ANKFN1: variants seen among roughly 807,000 people sequenced by gnomAD.
The protein encoded by ANKFN1 is ankyrin repeat and fibronectin type III domain containing 1.
Under a neutral mutation model 108.7 loss-of-function variants are expected in ANKFN1, and 74 were observed. That is an observed-to-expected ratio of 0.68 (90% CI 0.56 to 0.83). ANKFN1 has a LOEUF of 0.83. Ranked by LOEUF, ANKFN1 falls within the 40% of genes least tolerant of loss-of-function variation. The pLI, the probability that ANKFN1 is intolerant of heterozygous loss-of-function variation, is 0.00. For synonymous variants in ANKFN1, 547 were observed against 516.2 expected (o/e 1.06, Z -0.81); for missense variants, 1,505 against 1,382.3 (o/e 1.09, Z -1.41).
At position 56,317,372 on chromosome 17, in the gene ANKFN1, A is replaced by G. The variant is rs369974870; in HGVS notation, c.54-8849A>G. On this transcript the variant is annotated intron_variant, in intron 3 of 20. Coordinates refer to ENST00000682825, the MANE Select transcript of ANKFN1 (RefSeq NM_001370326.1). The stretch of plus-strand genomic sequence containing the variant: ...CAGCTTGCCTTCATCTTTGACTCAT[A>G]GGAAAGGTGTAAATCCCACCCACGT... 3.9e-5 allele frequency among the ~76,000 whole-genome samples: 6 copies of G among 152,318 alleles called. No individual in the cohort carries two copies. The East Asian group carries it at 9.6e-4, about 24-fold the overall frequency.
At chr17:56,252,458 C>T (rs1164076281) in intron 3 of ANKFN1, 1 of 152,154 alleles carries the variant, frequency 6.6e-6, no homozygotes, top group Non-Finnish European at 1.5e-5. Context: ...ATTTTAAATA[C>T]TTACAGTGTA....
At chr17:56,176,457 G>T (rs1354421442) in intron 1 of ANKFN1, among the ~76,000 whole-genome samples, 1 of 152,148 alleles carries the variant, frequency 6.6e-6, no homozygotes, top group Admixed American at 6.5e-5. Flanking sequence ...GGAATGCACG[G>T]GATCGGAGTG....
rs923661190 is a variant in ANKFN1, at chr17:56,335,373, T to C, written c.188+9018T>C. On this transcript the variant is annotated intron_variant, in intron 4 of 20. Coordinates refer to ENST00000682825, the MANE Select transcript of ANKFN1 (RefSeq NM_001370326.1). ...TGAGCATGGACTCTTCTTCCATTTG[T>C]TTCTGTCCTCCTTTATTTCGTTGAG... Among the ~76,000 whole-genome samples the C allele has an allele frequency of 3.9e-5, 6 of 152,210 alleles. No homozygotes were observed. In the South Asian group the frequency reaches 1.0e-3, roughly 26 times the overall value.
At chr17:56,320,514 T>C (rs2045333293) in intron 3 of ANKFN1, among the ~76,000 whole-genome samples, 2 of 152,082 alleles carry the variant, frequency 1.3e-5, no homozygotes. Context: ...CTGGATAAGG[T>C]TGAGACTTAG....
intron 4 of ANKFN1, among the ~76,000 whole-genome samples, chr17:56,328,299 T>C (rs1297114336): frequency 2.0e-5 from 3 of 152,180 alleles, no homozygotes; most frequent in Non-Finnish European, 4.4e-5. Context: ...GCAAATGTAC[T>C]ATGATTTGAG....
intron 8 of ANKFN1, among the ~76,000 whole-genome samples, chr17:56,417,207 A>T (rs1303129390): frequency 6.6e-6 from 1 of 152,188 alleles, no homozygotes; most frequent in Non-Finnish European, 1.5e-5. Context: ...TTTAAAAATA[A>T]CTAAGAGTAT....
intron 3 of ANKFN1, among the ~76,000 whole-genome samples, chr17:56,293,465 G>A (rs2044420830): frequency 6.6e-6 from 1 of 152,214 alleles, no homozygotes; most frequent in Non-Finnish European, 1.5e-5. Flanking sequence ...GGTGAGTAAG[G>A]TTATTGAGTT....
chr17:56,075,054 C>T (rs1193339221), intron 4 of ANKFN1, among the ~76,000 whole-genome samples: 1 of 152,174 alleles, frequency 6.6e-6, no homozygotes, highest in African/African-American at 2.4e-5. Context: ...ATGGAACTTA[C>T]TCAAGGTCAT....
At chr17:56,466,680 G>T in intron 15 of ANKFN1, 109 bp downstream of exon 15, 1 of 907,008 alleles carries the variant, frequency 1.1e-6, no homozygotes, top group Middle Eastern at 3.4e-4. Flanking sequence ...TGATGGAGTG[G>T]AGAGGGTCCA....
chr17:56,400,100 CA>C (rs2047715998), intron 8 of ANKFN1, among the ~76,000 whole-genome samples: 1 of 151,846 alleles, frequency 6.6e-6, no homozygotes, highest in Non-Finnish European at 1.5e-5. Context: ...GGTGGATACC[CA>C]GTAGTGGGAT....
intron 1 of ANKFN1, among the ~76,000 whole-genome samples, chr17:56,167,772 T>G (rs1474977089): frequency 6.6e-6 from 1 of 152,200 alleles, no homozygotes; most frequent in African/African-American, 2.4e-5. Flanking sequence ...CTATGTCATC[T>G]GGATCACGTG....
chr17:56,155,484 T>C (rs1420754999), intron 1 of ANKFN1, among the ~76,000 whole-genome samples: 5 of 152,222 alleles, frequency 3.3e-5, no homozygotes, highest in African/African-American at 1.2e-4. Context: ...CAGGTAATTA[T>C]TGAAAGCCAA....
At chr17:56,129,951 G>A (rs1907177157) in intron 4 of ANKFN1, among the ~76,000 whole-genome samples, 1 of 152,180 alleles carries the variant, frequency 6.6e-6, no homozygotes. Flanking sequence ...ATCACATATA[G>A]CTTACTATAA....
rs1290099935 is a variant in ANKFN1 at position 56,232,799 on chromosome 17, C to T, written c.53+4842C>T. Among the ~76,000 whole-genome samples the T allele has an allele frequency of 2.6e-5, 4 of 152,246 alleles. No homozygotes were observed. The East Asian group carries it at 7.7e-4, about 29-fold the overall frequency. ...TCAAATACAAAGTAGCTTTCCAACA[C>T]CCAGACTGGGACCTATCTTTAGGCT... On this transcript the variant is annotated intron_variant, in intron 3 of 20. Transcript: ENST00000682825.
At chr17:56,354,753 A>T (rs1329343728) in intron 6 of ANKFN1, among the ~76,000 whole-genome samples, 1 of 152,214 alleles carries the variant, frequency 6.6e-6, no homozygotes, top group Admixed American at 6.5e-5. Flanking sequence ...TTTTAAAAAA[A>T]TTCCACATGT....
intron 14 of ANKFN1, among the ~76,000 whole-genome samples, chr17:56,463,136 A>G (rs1227548468): frequency 6.6e-6 from 1 of 152,216 alleles, no homozygotes; most frequent in Non-Finnish European, 1.5e-5. Flanking sequence ...CATTTATTTA[A>G]CAGACTAGGT....
chr17:56,343,087 T>C (rs1187510877), intron 4 of ANKFN1, among the ~76,000 whole-genome samples: 3 of 152,000 alleles, frequency 2.0e-5, no homozygotes, highest in Non-Finnish European at 4.4e-5. Flanking sequence ...TTTGTTGGTT[T>C]AAAGTCTGTT....
intron 3 of ANKFN1, among the ~76,000 whole-genome samples, chr17:56,274,047 A>G (rs1404402017): frequency 6.6e-6 from 1 of 152,156 alleles, no homozygotes; most frequent in Non-Finnish European, 1.5e-5. Context: ...AGCATGTCAC[A>G]TTTCTGTAAC....
chr17:56,268,664 T>C (rs1357609885), intron 3 of ANKFN1, among the ~76,000 whole-genome samples: 1 of 151,576 alleles, frequency 6.6e-6, no homozygotes, highest in African/African-American at 2.4e-5. Flanking sequence ...AAAGAATAAA[T>C]AAGATTGATA....
Sources: allele counts gnomAD v4.1 joint callset (sites outside exome capture counted in the v4.1 genomes callset), GRCh38; gene constraint gnomAD v4.1.1; transcripts MANE v1.5; gene names NCBI Gene and HGNC (gene_info 2026-07-23, HGNC 2026-07-21).